Variants in SRC observed in about 807,000 individuals in gnomAD.
SRC encodes proto-oncogene tyrosine-protein kinase Src.
Under a neutral mutation model 62.9 loss-of-function variants are expected in SRC, and 13 were observed. The observed-to-expected ratio is 0.21, with a 90% CI of 0.13 to 0.33. SRC has a LOEUF of 0.33. Among genes scored for constraint, SRC ranks in the 10% least tolerant of loss-of-function variants. The pLI, the probability that SRC is intolerant of heterozygous loss-of-function variation, is 1.00. For synonymous variants in SRC, 302 were observed against 317.5 expected (o/e 0.95, Z 0.52); for missense variants, 457 against 737.3 (o/e 0.62, Z 4.40).
chr20:37,376,694 G>A (rs2070284407), intron 2 of SRC, among the ~76,000 whole-genome samples: 1 of 152,308 alleles, frequency 6.6e-6, no homozygotes, highest in South Asian at 2.1e-4. Context: ...GTAGAGATGG[G>A]GTTTCACCAT....
Position 37,403,329 on chromosome 20 carries a change from G to A in SRC, c.1561G>A (p.Asp521Asn). 6.2e-7 allele frequency: 1 copy of A among 1,607,168 alleles called. No individual in the cohort carries two copies. Among genetic ancestry groups the A allele is most frequent in the Admixed American group, 1.7e-5 (1 of 59,146 alleles). The change falls in exon 14 of 14, where the codon GAC (aspartate) becomes AAC (asparagine). Residue 521 changes from aspartate (D) to asparagine (N), a missense_variant. Coordinates refer to ENST00000373578, the MANE Select transcript of SRC (RefSeq NM_198291.3). This position sits in a 1 kb window ranked among gnomAD's most constrained non-coding sequence, Gnocchi z 7.1. ...CGAGTACCTGCAGGCCTTCCTGGAG[G>A]ACTACTTCACGTCCACCGAGCCCCA... ...TFEYLQAFLE[D>N]YFTSTEPQYQ...
intron 4 of SRC, among the ~76,000 whole-genome samples, chr20:37,385,477 C>T (rs888862542): frequency 4.7e-5 from 7 of 150,150 alleles, no homozygotes. Context: ...AGAAGGGGCG[C>T]TGCTGCGAAG....
At chr20:37,400,073 T>C (rs2070715342) in intron 9 of SRC, 42 bp from the exon 10 acceptor site, 1 of 1,535,858 alleles carries the variant, frequency 6.5e-7, no homozygotes, top group East Asian at 2.3e-5. Context: ...GTGGTAGGAG[T>C]TGGGGGGCTC....
intron 1 of SRC, among the ~76,000 whole-genome samples, chr20:37,350,352 G>T (rs2069784054): frequency 6.6e-6 from 1 of 152,208 alleles, no homozygotes; most frequent in Admixed American, 6.5e-5. Flanking sequence ...CCAGGCACCT[G>T]CTCAAGTCCT....
At chr20:37,352,348 C>T (rs185223488) in intron 1 of SRC, among the ~76,000 whole-genome samples, 15 of 152,344 alleles carry the variant, frequency 9.8e-5, no homozygotes, top group African/African-American at 3.4e-4. Context: ...CCAACTGATC[C>T]GGAAATCACC....
At chr20:37,394,056 C>T (rs1380586096) in intron 6 of SRC, 63 bp downstream of exon 6, 4 of 1,575,354 alleles carry the variant, frequency 2.5e-6, no homozygotes, top group Non-Finnish European at 3.5e-6. Flanking sequence ...CAGAGTGCCT[C>T]TCCTGGGCTG....
chr20:37,373,299 A>G (rs1379053755), intron 2 of SRC, among the ~76,000 whole-genome samples: 1 of 151,952 alleles, frequency 6.6e-6, no homozygotes, highest in Admixed American at 6.6e-5. Context: ...ACATATGTAC[A>G]CATGCACACA....
Position 37,402,908 on chromosome 20 carries a change from G to T in SRC, c.1402+28G>T. On this transcript the variant is annotated intron_variant, in intron 13 of 13. Transcript: ENST00000373578. The surrounding 1 kb of genome is among the most constrained non-coding windows in gnomAD (Gnocchi z 6.2). Reference sequence around the variant, plus strand: ...AAGAAGGTCCTCATGGCCTGTCTGTGGTCCCTGAATCCCTCTGCCCTGGTG... The same window carrying T: ...AAGAAGGTCCTCATGGCCTGTCTGTTGTCCCTGAATCCCTCTGCCCTGGTG... 6.2e-7 allele frequency: 1 copy of T among 1,605,858 alleles called. No homozygotes were observed.
intron 5 of SRC, among the ~76,000 whole-genome samples, chr20:37,392,910 A>G (rs1362172393): frequency 6.7e-6 from 1 of 149,704 alleles, no homozygotes; most frequent in African/African-American, 2.5e-5. Flanking sequence ...CACCACCCCC[A>G]TCTCTGCCTC....
chr20:37,345,914 A>C (rs2069708682), upstream of SRC, among the ~76,000 whole-genome samples: 1 of 149,950 alleles, frequency 6.7e-6, no homozygotes, highest in South Asian at 2.1e-4. Context: ...CGGTGTCCCC[A>C]CCCCGCCCGG....
intron 1 of SRC, among the ~76,000 whole-genome samples, chr20:37,353,591 C>T (rs2069838269): frequency 6.6e-6 from 1 of 152,130 alleles, no homozygotes; most frequent in East Asian, 1.9e-4. Flanking sequence ...TTCTGCAGTG[C>T]CAGGCAAATG....
At chr20:37,389,039 A>G (rs2070502080) in intron 5 of SRC, among the ~76,000 whole-genome samples, 1 of 152,078 alleles carries the variant, frequency 6.6e-6, no homozygotes. Context: ...AGGGCAGTAG[A>G]GAGCTAGAGG....
chr20:37,373,272 A>G (rs902726447), intron 2 of SRC, among the ~76,000 whole-genome samples: 179 of 124,114 alleles, frequency 1.4e-3, no homozygotes, highest in Middle Eastern at 0.011. Flanking sequence ...ACATACGCAC[A>G]CACACACACA....
chr20:37,355,173 G>A (rs1479209759), intron 1 of SRC, among the ~76,000 whole-genome samples: 1 of 152,106 alleles, frequency 6.6e-6, no homozygotes. Flanking sequence ...GGGTGATGCT[G>A]ACTCCCCTGC....
At chr20:37,393,143 T>C (rs989753346) in intron 5 of SRC, among the ~76,000 whole-genome samples, 6 of 152,114 alleles carry the variant, frequency 3.9e-5, no homozygotes, top group Admixed American at 3.9e-4. Flanking sequence ...GCCCTGGGCA[T>C]TGGGGCTCTG....
rs898338328 is a variant in SRC, at chr20:37,394,741, C to G, written c.553+464C>G. Among the ~76,000 whole-genome samples the G allele has an allele frequency of 3.9e-5, 6 of 152,288 alleles. No homozygotes were observed. In the East Asian group the frequency reaches 1.2e-3, roughly 29 times the overall value. The stretch of plus-strand genomic sequence containing the variant: ...GAATGAAGACCATCCCCTTTCTCTC[C>G]AGCCCCTCTGAAAGTGGGTTGCAGG... On this transcript the variant is annotated intron_variant, in intron 7 of 13. Transcript: ENST00000373578.
In SRC at chr20:37,347,780, T is replaced by G. The variant is rs149707550; in HGVS notation, c.-247+1525T>G. On this transcript the variant is annotated intron_variant, in intron 1 of 13. Transcript: ENST00000373578. ...ATCTTCATTTTGCTGATGGGGAAAC[T>G]GAGGCTAAGAGAGGGGAAGTGACTT... Among the ~76,000 whole-genome samples, 380 of 152,252 alleles carry G rather than the reference T, an allele frequency of 2.5e-3. 3 individuals carry two copies. The highest frequency in any genetic ancestry group is 7.0e-3 in the African/African-American group (291 of 41,540).
intron 1 of SRC, among the ~76,000 whole-genome samples, chr20:37,358,759 C>T (rs1285422572): frequency 6.6e-6 from 1 of 152,248 alleles, no homozygotes. Context: ...CCGTGGCCCC[C>T]CTGCTGGGCT....
intron 10 of SRC, among the ~76,000 whole-genome samples, 181 bp from the exon 11 acceptor site, chr20:37,401,421 C>T (rs985724532): frequency 6.6e-6 from 1 of 152,076 alleles, no homozygotes; most frequent in African/African-American, 2.4e-5. Flanking sequence ...TGCTTGTTTC[C>T]CATCCTGCTT....
Sources: gnomAD v4.1 joint callset for allele counts (sites outside exome capture counted in the v4.1 genomes callset) on GRCh38, gnomAD v4.1.1 for gene constraint, Gnocchi (gnomAD v3.1) non-coding constraint, MANE v1.5 for transcripts, NCBI Gene and HGNC (gene_info 2026-07-23, HGNC 2026-07-21) for gene names.